The following MAGI3 variants were observed in gnomAD, a reference collection of about 807,000 sequenced individuals.
MAGI3 encodes the protein membrane-associated guanylate kinase, WW and PDZ domain-containing protein 3.
MAGI3 carries 43 observed loss-of-function variants against 121.8 expected under a neutral mutation model. The ratio of observed to expected loss-of-function variants is 0.35; its 90% CI spans 0.28 to 0.46. MAGI3 has a LOEUF of 0.46. Ranked by LOEUF, MAGI3 falls within the 20% of genes least tolerant of loss-of-function variation. MAGI3 has a pLI of 1.00. For missense variants in MAGI3, 1,547 were observed against 1,797.3 expected, an observed-to-expected ratio of 0.86 and a Z score of 2.52; for synonymous variants, 553 against 639.3, an observed-to-expected ratio of 0.86 and a Z score of 2.04.
intron 1 of MAGI3, among the ~76,000 whole-genome samples, chr1:113,417,209 A>T (rs186820532): frequency 6.6e-6 from 1 of 152,102 alleles, no homozygotes; most frequent in African/African-American, 2.4e-5. Flanking sequence ...CACTATCCCA[A>T]TCAAAATACA....
rs544342571 is a variant in MAGI3, at chr1:113,667,794, A to C, written c.2816-3940A>C. Among the ~76,000 whole-genome samples, 31 of 152,298 alleles carry C rather than the reference A, an allele frequency of 2.0e-4. 1 individual carries two copies. In the East Asian group the frequency reaches 5.8e-3, roughly 28 times the overall value. On this transcript the variant is annotated intron_variant, in intron 16 of 20. Coordinates refer to ENST00000307546, the MANE Select transcript of MAGI3 (RefSeq NM_001142782.2). ...ATATGCAACTCTTTCTTTCACTTGAATACATAGAGGTCATTGTAGGGTTAT... is the reference window on the plus strand; with the variant it reads ...ATATGCAACTCTTTCTTTCACTTGACTACATAGAGGTCATTGTAGGGTTAT...
chr1:113,681,973 C>G (rs1038667325), intron 20 of MAGI3, among the ~76,000 whole-genome samples: 1 of 152,120 alleles, frequency 6.6e-6, no homozygotes, highest in African/African-American at 2.4e-5. Context: ...ACCACACCCA[C>G]GCAGTACTTG....
intron 5 of MAGI3, 104 bp downstream of exon 5, chr1:113,590,762 A>ATT (rs574738824): frequency 2.9e-6 from 3 of 1,045,714 alleles, no homozygotes; most frequent in Middle Eastern, 2.1e-4. Flanking sequence ...CAGAAGACTC[A>ATT]TTTTTTTTCT....
chr1:113,483,767 T>C (rs970858665), intron 1 of MAGI3, among the ~76,000 whole-genome samples: 5 of 152,174 alleles, frequency 3.3e-5, no homozygotes, highest in Non-Finnish European at 7.3e-5. Flanking sequence ...TCTCCAACTT[T>C]TATTGTGAAA....
rs146763774 is a variant in MAGI3, at chr1:113,518,468, G to GT, written c.317-31039dup. On this transcript the variant is annotated intron_variant, in intron 1 of 20. Transcript: ENST00000307546. ...AATCATATCAGAAAGGAACCTTACT[G>GT]TTTTTTTTGTGTCTACATATAGTAC... Among the ~76,000 whole-genome samples the GT allele has an allele frequency of 1.3e-4, 20 of 151,662 alleles. No individual in the cohort carries two copies. In the East Asian group the frequency reaches 1.5e-3, roughly 12 times the overall value.
At chr1:113,396,989 G>T (rs1210262994) in intron 1 of MAGI3, among the ~76,000 whole-genome samples, 1 of 152,028 alleles carries the variant, frequency 6.6e-6, no homozygotes, top group Non-Finnish European at 1.5e-5. Flanking sequence ...AAAGGATTTG[G>T]GTTCTCAAGT....
chr1:113,522,119 C>A (rs1435048186), intron 1 of MAGI3, among the ~76,000 whole-genome samples: 13 of 152,076 alleles, frequency 8.5e-5, no homozygotes, highest in East Asian at 5.8e-4. Flanking sequence ...TTATTTATTT[C>A]TTTTTTGAGA....
chr1:113,594,761 A>G (rs1648894538), intron 6 of MAGI3, among the ~76,000 whole-genome samples: 3 of 152,184 alleles, frequency 2.0e-5, no homozygotes, highest in Admixed American at 2.0e-4. Context: ...TTTCTTTTTC[A>G]GGATTACATA....
chr1:113,614,683 T>C (rs1482250420), intron 7 of MAGI3, 25 bp downstream of exon 7: 1 of 1,528,892 alleles, frequency 6.5e-7, no homozygotes, highest in Non-Finnish European at 9.0e-7. Context: ...TCAGTTAATA[T>C]TCTCCCAAAT....
At chr1:113,470,219 T>G (rs1413584886) in intron 1 of MAGI3, among the ~76,000 whole-genome samples, 1 of 152,170 alleles carries the variant, frequency 6.6e-6, no homozygotes, top group Non-Finnish European at 1.5e-5. Context: ...CAGGCAGTTC[T>G]GAATATTGGG....
At position 113,682,989 on chromosome 1, in the gene MAGI3, G is replaced by C. The variant is rs937471325; in HGVS notation, c.3421G>C (p.Glu1141Gln). ...ATCTTCACATTTTGCTTCCATATTT[G>C]AAGAGTCTCACGTGCCAGTAATTGA... ...PPSSHFASIF[E>Q]ESHVPVIEES... Residue 1141 changes from glutamate to glutamine, a missense_variant, in exon 21 of 21, where the codon GAA becomes CAA. By Grantham distance (29) the Glu-to-Gln change is conservative. Transcript: ENST00000307546. 3.7e-5 allele frequency: 59 copies of C among 1,613,702 alleles called. No homozygotes were observed. Among genetic ancestry groups the C allele is most frequent in the Non-Finnish European group, 4.7e-5 (56 of 1,179,868 alleles).
intron 2 of MAGI3, among the ~76,000 whole-genome samples, chr1:113,572,480 C>T (rs1647358661): frequency 1.3e-5 from 2 of 152,022 alleles, no homozygotes; most frequent in African/African-American, 4.8e-5. Flanking sequence ...ACCAGCTCCT[C>T]TTTGTACCTC....
intron 1 of MAGI3, among the ~76,000 whole-genome samples, chr1:113,484,978 G>A (rs143726448): frequency 0.2 from 29,549 of 151,248 alleles, 3,636 homozygotes; most frequent in South Asian, 0.4. Flanking sequence ...GTGATCTGCC[G>A]GCTTTGGCCT....
intron 9 of MAGI3, among the ~76,000 whole-genome samples, chr1:113,629,483 T>C (rs1651460653): frequency 6.6e-6 from 1 of 152,198 alleles, no homozygotes; most frequent in South Asian, 2.1e-4. Flanking sequence ...TTGATCCTTA[T>C]AGATGTTTGT....
intron 9 of MAGI3, among the ~76,000 whole-genome samples, chr1:113,627,683 T>G (rs1651327300): frequency 1.3e-5 from 2 of 150,814 alleles, no homozygotes; most frequent in Admixed American, 6.6e-5. Flanking sequence ...ACACTTGCTT[T>G]ATGTGTCTGG....
In MAGI3 at chr1:113,569,235, C is replaced by T. The variant is rs142887260; in HGVS notation, c.434-11307C>T. On this transcript the variant is annotated intron_variant, in intron 2 of 20. Transcript: ENST00000307546. ...GAAGAATATGGCAGTGTATATGATA[C>T]CTATACACTTCAATTTATCCTCTTT... 2.7e-3 allele frequency among the ~76,000 whole-genome samples: 418 copies of T among 152,098 alleles called. 3 individuals carry two copies. The highest frequency in any genetic ancestry group is 1.0e-2 in the African/African-American group (413 of 41,494).
intron 1 of MAGI3, among the ~76,000 whole-genome samples, chr1:113,537,152 A>T (rs935762041): frequency 6.6e-6 from 1 of 152,192 alleles, no homozygotes; most frequent in African/African-American, 2.4e-5. Context: ...CTATTTAGCT[A>T]TTAAAATGCC....
intron 1 of MAGI3, among the ~76,000 whole-genome samples, chr1:113,525,524 A>G (rs1165637884): frequency 6.6e-6 from 1 of 151,908 alleles, no homozygotes; most frequent in Admixed American, 6.6e-5. Context: ...CTAAATAATT[A>G]AATGATAGTA....
Position 113,449,785 on chromosome 1 carries a change from T to G in MAGI3, c.316+58436T>G, listed in dbSNP as rs1041048962. 3.6e-6 allele frequency: 4 copies of G among 1,111,604 alleles called. No individual in the cohort carries two copies. The African/African-American group carries it at 4.5e-5, about 13-fold the overall frequency. 68.9% of individuals were successfully genotyped at this position (1,111,604 alleles called of 1,614,324 possible). A position where few individuals can be genotyped will look rare whatever the true frequency, so the allele number is the denominator to read the frequency against. ...AGCTTTGAAACTACAGATGATAGTT[T>G]AAGAGAACATTTTGAGAAATGGGGC... is the stretch of plus-strand genomic sequence containing the variant. On this transcript the variant is annotated intron_variant, in intron 1 of 20. Transcript: ENST00000307546.
Sources: gnomAD v4.1 joint callset for allele counts (sites outside exome capture counted in the v4.1 genomes callset) on GRCh38, gnomAD v4.1.1 for gene constraint, MANE v1.5 for transcripts, NCBI Gene and HGNC (gene_info 2026-07-23, HGNC 2026-07-21) for gene names.